KIF26B: variants seen among roughly 807,000 people sequenced by gnomAD.
The protein encoded by KIF26B is kinesin-like protein KIF26B.
Under a neutral mutation model 151.2 loss-of-function variants are expected in KIF26B, and 63 were observed. The ratio of observed to expected loss-of-function variants is 0.42; its 90% CI spans 0.34 to 0.51. The LOEUF is 0.51. Ranked by LOEUF, KIF26B falls within the 20% of genes least tolerant of loss-of-function variation. The probability of loss-of-function intolerance (pLI) is 0.07; values close to 1 mark genes in which losing one functional copy is unlikely to be tolerated. For missense variants in KIF26B, 2,813 were observed against 2,913.6 expected (o/e 0.97, Z 0.79); for synonymous variants, 1,357 against 1,262.1 (o/e 1.08, Z -1.59).
At chr1:245,395,577 G>A (rs962022043) in intron 3 of KIF26B, among the ~76,000 whole-genome samples, 52 of 152,280 alleles carry the variant, frequency 3.4e-4, no homozygotes, top group Admixed American at 1.7e-3. Flanking sequence ...GAGCCCAAGC[G>A]TGTGCCAGGG....
In KIF26B at chr1:245,238,040, A is replaced by T. The variant is rs72779240; in HGVS notation, c.465+81357A>T. Among the ~76,000 whole-genome samples the T allele has an allele frequency of 2.8e-3, 415 of 149,120 alleles. 1 individual carries two copies. Among genetic ancestry groups the T allele is most frequent in the Non-Finnish European group, 3.0e-3 (199 of 67,288 alleles). On this transcript the variant is annotated intron_variant, in intron 2 of 14. Coordinates refer to ENST00000407071, the MANE Select transcript of KIF26B (RefSeq NM_018012.4). ...GACCCTGTCTCAAAAAAAAAAAAAA[A>T]GTTGTTATTTGGCCAGGCATGCTGG...
chr1:245,219,315 T>C (rs1669715613), intron 2 of KIF26B, among the ~76,000 whole-genome samples: 1 of 151,798 alleles, frequency 6.6e-6, no homozygotes, highest in Non-Finnish European at 1.5e-5. Context: ...ATTTTTTAGT[T>C]TCACCGTGTT....
intron 3 of KIF26B, among the ~76,000 whole-genome samples, chr1:245,392,121 G>A (rs147052427): frequency 3.3e-4 from 50 of 151,664 alleles, no homozygotes; most frequent in African/African-American, 1.2e-3. Flanking sequence ...GGGGCTCTCC[G>A]TAATGTTTAA....
chr1:245,687,776 TGCCC>T lies in KIF26B; in HGVS notation c.4794_4797del (p.Pro1599LeufsTer28). On this transcript the variant is annotated frameshift_variant, in exon 12 of 15. Transcript: ENST00000407071. LOFTEE classifies it high-confidence loss of function. This position sits in a 1 kb window ranked among gnomAD's most constrained non-coding sequence, Gnocchi z 4.9. ...GCTCGGCCCAAAGGGACTCCCCCTCTGCCCCCTGTCCGAAAGTCCAGCCTGGACC... is the reference window on the plus strand; with the variant it reads ...GCTCGGCCCAAAGGGACTCCCCCTCTCCTGTCCGAAAGTCCAGCCTGGACC... 1 of 1,583,752 alleles carries T rather than the reference TGCCC, an allele frequency of 6.3e-7. No homozygotes were observed. Among genetic ancestry groups the T allele is most frequent in the Non-Finnish European group, 8.6e-7 (1 of 1,165,622 alleles).
At chr1:245,538,981 G>A (rs1661543665) in intron 4 of KIF26B, among the ~76,000 whole-genome samples, 2 of 152,074 alleles carry the variant, frequency 1.3e-5, no homozygotes, top group South Asian at 4.1e-4. Context: ...TAGAAGGAAA[G>A]TGCCAGGAAG....
intron 10 of KIF26B, among the ~76,000 whole-genome samples, chr1:245,668,354 A>G (rs1462210261): frequency 6.6e-6 from 1 of 152,242 alleles, no homozygotes; most frequent in East Asian, 1.9e-4. Context: ...AGATGCAAGA[A>G]TTGTGCAACA....
intron 5 of KIF26B, among the ~76,000 whole-genome samples, chr1:245,578,787 C>A (rs943978321): frequency 6.6e-6 from 1 of 152,246 alleles, no homozygotes; most frequent in African/African-American, 2.4e-5. Flanking sequence ...TCCAAGGTGC[C>A]TTTCCTCTAG....
intron 4 of KIF26B, among the ~76,000 whole-genome samples, chr1:245,538,504 G>A (rs1040889109): frequency 6.6e-6 from 1 of 151,944 alleles, no homozygotes; most frequent in African/African-American, 2.4e-5. Flanking sequence ...AGGGATCCTC[G>A]CTTTTCTCCT....
intron 2 of KIF26B, among the ~76,000 whole-genome samples, chr1:245,364,393 A>G (rs1672892280): frequency 6.7e-6 from 1 of 149,734 alleles, no homozygotes. Context: ...TGTGATGTGC[A>G]GACATGACTT....
rs1370032904 is a variant in KIF26B at position 245,667,321 on chromosome 1, G to A, written c.2259-16912G>A. Among the ~76,000 whole-genome samples the A allele has an allele frequency of 6.6e-5, 10 of 152,080 alleles. No homozygotes were observed. Among genetic ancestry groups the A allele is most frequent in the East Asian group, 3.9e-4 (2 of 5,184 alleles). ...CTCCCAAGTAGCTGGGACAACAGGCGTGTGCCACCATGCCCGGCTACTTTT... is the reference window on the plus strand; with the variant it reads ...CTCCCAAGTAGCTGGGACAACAGGCATGTGCCACCATGCCCGGCTACTTTT... On this transcript the variant is annotated intron_variant, in intron 10 of 14. Coordinates refer to ENST00000407071, the MANE Select transcript of KIF26B (RefSeq NM_018012.4). This position sits in a 1 kb window ranked among gnomAD's most constrained non-coding sequence, Gnocchi z 4.3.
chr1:245,290,381 A>G (rs1392323239), intron 2 of KIF26B, among the ~76,000 whole-genome samples: 1 of 152,238 alleles, frequency 6.6e-6, no homozygotes, highest in South Asian at 2.1e-4. Context: ...AGAGAAGTAA[A>G]GAAACAAAAG....
chr1:245,586,855 C>T (rs1385193054), intron 5 of KIF26B, among the ~76,000 whole-genome samples: 1 of 149,748 alleles, frequency 6.7e-6, no homozygotes, highest in African/African-American at 2.5e-5. Context: ...CACTGCAGTC[C>T]GCAGTCCGGC....
chr1:245,659,009 ATCACTTGGGCCCAAGT>A lies in KIF26B; in HGVS notation c.2258+12733_2258+12748del, dbSNP rs1204196480. ...CACTTCAGGAAGCCAAGGCAGGAGG[ATCACTTGGGCCCAAGT>A]TCAAGACCAGCCTGGGCAACATAGT... On this transcript the variant is annotated intron_variant, in intron 10 of 14. Transcript: ENST00000407071. 3.9e-5 allele frequency among the ~76,000 whole-genome samples: 6 copies of A among 152,236 alleles called. No individual in the cohort carries two copies. The South Asian group carries it at 8.3e-4, about 21-fold the overall frequency.
chr1:245,646,908 C>T (rs2043954063), intron 10 of KIF26B, among the ~76,000 whole-genome samples: 2 of 152,104 alleles, frequency 1.3e-5, no homozygotes, highest in Non-Finnish European at 2.9e-5. Context: ...TACAGCCGCT[C>T]CTATGTCTGG....
chr1:245,308,163 G>A (rs1168417615), intron 2 of KIF26B, among the ~76,000 whole-genome samples: 1 of 152,172 alleles, frequency 6.6e-6, no homozygotes, highest in Non-Finnish European at 1.5e-5. Context: ...TGGGTTAGGG[G>A]AGAAGTATAG....
chr1:245,350,863 A>G (rs1368427104), intron 2 of KIF26B, among the ~76,000 whole-genome samples: 1 of 152,226 alleles, frequency 6.6e-6, no homozygotes, highest in Non-Finnish European at 1.5e-5. Flanking sequence ...CTATCTCCAA[A>G]GCATTTAATG....
chr1:245,207,168 C>T (rs1013109608), intron 2 of KIF26B, among the ~76,000 whole-genome samples: 7 of 152,150 alleles, frequency 4.6e-5, no homozygotes, highest in Non-Finnish European at 8.8e-5. Flanking sequence ...GCAGGACTCC[C>T]TGTGTTGGAA....
intron 2 of KIF26B, among the ~76,000 whole-genome samples, chr1:245,255,323 T>A (rs7538031): frequency 0.49 from 73,951 of 151,976 alleles, 18,322 homozygotes; most frequent in East Asian, 0.62. Context: ...TATCCATCTC[T>A]CCACCGGCCA....
At position 245,702,463 on chromosome 1, in the gene KIF26B, T is replaced by C; in HGVS notation, c.6184T>C (p.Leu2062=). 6.2e-7 allele frequency: 1 copy of C among 1,613,924 alleles called. No individual in the cohort carries two copies. Among genetic ancestry groups the C allele is most frequent in the Non-Finnish European group, 8.5e-7 (1 of 1,179,862 alleles). ...DPNKWLSEFD[L]EQVWELDSLE... is the part of the protein sequence containing the mutation. ...AGGCTCTTCCTCTCTTGCAGTTGACTTGGAGCAGGTTTGGGAGCTGGATTC... is the reference window on the plus strand; with the variant it reads ...AGGCTCTTCCTCTCTTGCAGTTGACCTGGAGCAGGTTTGGGAGCTGGATTC... Residue 2062 remains leucine, a synonymous_variant, in exon 15 of 15, where the codon TTG becomes CTG. Transcript: ENST00000407071. The surrounding 1 kb of genome is among the most constrained non-coding windows in gnomAD (Gnocchi z 4.1).
Sources: gnomAD v4.1 joint callset for allele counts (sites outside exome capture counted in the v4.1 genomes callset) on GRCh38, gnomAD v4.1.1 for gene constraint, Gnocchi (gnomAD v3.1) non-coding constraint, MANE v1.5 for transcripts, NCBI Gene and HGNC (gene_info 2026-07-23, HGNC 2026-07-21) for gene names.